KLRG1: variants seen among roughly 807,000 people sequenced by gnomAD.
The protein encoded by KLRG1 is killer cell lectin like receptor G1.
In KLRG1, 16 loss-of-function variants were observed where a neutral mutation model predicts 21.8. That is an observed-to-expected ratio of 0.73 (90% CI 0.50 to 1.11). The LOEUF (loss-of-function observed/expected upper bound fraction) is 1.11. Ranked by LOEUF, KLRG1 falls within the 50% of genes most tolerant of loss-of-function variation. KLRG1 has a pLI of 0.00. For missense variants in KLRG1, 173 were observed against 218.3 expected, an observed-to-expected ratio of 0.79 and a Z score of 1.31; for synonymous variants, 69 against 75.9, an observed-to-expected ratio of 0.91 and a Z score of 0.47.
chr12:9,028,748 T>C, the KLRG1 span: 1 of 554,786 alleles, frequency 1.8e-6, no homozygotes, highest in South Asian at 1.5e-5. Flanking sequence ...GGCCTCAGTG[T>C]CTTCTTTAAT....
intron 1 of KLRG1, among the ~76,000 whole-genome samples, chr12:8,951,851 A>G (rs1033666440): frequency 2.0e-5 from 3 of 152,196 alleles, no homozygotes; most frequent in African/African-American, 7.2e-5. Context: ...CATGTTGGAA[A>G]TGGGGAATGG....
chr12:9,006,763 A>G (rs1947485635), intron 3 of KLRG1, among the ~76,000 whole-genome samples: 1 of 152,212 alleles, frequency 6.6e-6, no homozygotes, highest in Non-Finnish European at 1.5e-5. Context: ...CATAACTGGA[A>G]AGAATCCTAG....
At chr12:9,025,364 C>G in the KLRG1 span, among the ~76,000 whole-genome samples, 2 of 152,138 alleles carry the variant, frequency 1.3e-5, no homozygotes, top group Admixed American at 6.5e-5. Flanking sequence ...TGGCTGGGTA[C>G]AGTGGTTCAT....
the KLRG1 span, among the ~76,000 whole-genome samples, chr12:9,162,810 G>A: frequency 3.3e-5 from 5 of 152,136 alleles, no homozygotes; most frequent in South Asian, 4.1e-4. Context: ...ACATGTGCAG[G>A]AGGTGCAGGT....
the KLRG1 span, among the ~76,000 whole-genome samples, chr12:9,147,072 G>A: frequency 1.1e-4 from 17 of 152,230 alleles, no homozygotes; most frequent in South Asian, 3.5e-3. Flanking sequence ...TGAGCTCCCC[G>A]ACTGGCAAGG....
In KLRG1 at chr12:8,989,820, G is replaced by A. The variant is rs79607317; in HGVS notation, c.82+103G>A. Reference sequence around the variant, plus strand: ...AAAGCAGAGGGTGCAGAAGAATTGAGGATAATTTGAGGAAATACTTTTGGT... The same window carrying A: ...AAAGCAGAGGGTGCAGAAGAATTGAAGATAATTTGAGGAAATACTTTTGGT... On this transcript the variant is annotated intron_variant, in intron 1 of 4. Transcript: ENST00000356986. The A allele has an allele frequency of 1.3e-4, 88 of 693,228 alleles. No individual in the cohort carries two copies. The African/African-American group carries it at 1.5e-3, about 11-fold the overall frequency. The allele number at this position is 693,228 out of a possible 1,614,324, so 42.9% of individuals were successfully genotyped here. A position where few individuals can be genotyped will look rare whatever the true frequency, so the allele number is the denominator to read the frequency against.
intron 3 of KLRG1, among the ~76,000 whole-genome samples, chr12:8,998,469 G>C (rs189190957): frequency 5.8e-4 from 88 of 152,158 alleles, no homozygotes; most frequent in African/African-American, 2.0e-3. Context: ...CAGGTGGATT[G>C]CTTGAACCCA....
chr12:9,209,645 A>C, the KLRG1 span, among the ~76,000 whole-genome samples: 133 of 152,108 alleles, frequency 8.7e-4, 1 homozygote, highest in Non-Finnish European at 2.1e-4. Flanking sequence ...GAAATAAATC[A>C]AGACAAATAT....
chr12:8,986,466 T>C (rs1280800642), upstream of KLRG1, among the ~76,000 whole-genome samples: 6 of 152,220 alleles, frequency 3.9e-5, no homozygotes, highest in Non-Finnish European at 8.8e-5. Context: ...TATGGATTTA[T>C]ATAGTTTTTC....
At chr12:8,953,168 A>T (rs1946234167) in intron 1 of KLRG1, among the ~76,000 whole-genome samples, 1 of 152,054 alleles carries the variant, frequency 6.6e-6, no homozygotes, top group South Asian at 2.1e-4. Flanking sequence ...ATATGCTGAC[A>T]ATTTGAAGGA....
At chr12:9,085,141 G>T in the KLRG1 span, among the ~76,000 whole-genome samples, 1 of 152,112 alleles carries the variant, frequency 6.6e-6, no homozygotes, top group East Asian at 1.9e-4. Flanking sequence ...AAATTAATAA[G>T]AAAACGTTGA....
the KLRG1 span, among the ~76,000 whole-genome samples, chr12:9,119,934 G>T: frequency 6.6e-6 from 1 of 152,264 alleles, no homozygotes; most frequent in Admixed American, 6.5e-5. Context: ...TAGTTGCCAG[G>T]ACACCTGAGC....
At chr12:8,985,501 G>GATCACCC (rs1159059088), upstream of KLRG1, among the ~76,000 whole-genome samples, 36 of 152,252 alleles carry the variant, frequency 2.4e-4, no homozygotes, top group African/African-American at 7.9e-4. Flanking sequence ...CAATATGCAA[G>GATCACCC]ATCACCCCCT....
chr12:9,038,277 A>G, the KLRG1 span, among the ~76,000 whole-genome samples: 1 of 152,154 alleles, frequency 6.6e-6, no homozygotes, highest in Admixed American at 6.5e-5. Flanking sequence ...GCTCATGGCT[A>G]GGCAATTCCA....
At chr12:9,154,719 G>T in the KLRG1 span, 1 of 1,614,120 alleles carries the variant, frequency 6.2e-7, no homozygotes. Flanking sequence ...TGGCTGGGCC[G>T]TGAGATAAGC....
At chr12:9,108,347 T>C in the KLRG1 span, among the ~76,000 whole-genome samples, 4 of 152,176 alleles carry the variant, frequency 2.6e-5, no homozygotes. Context: ...AGGATGGTCT[T>C]GATCTCCTGA....
At chr12:9,004,730 C>T (rs1372173856) in intron 3 of KLRG1, among the ~76,000 whole-genome samples, 1 of 152,182 alleles carries the variant, frequency 6.6e-6, no homozygotes, top group Non-Finnish European at 1.5e-5. Flanking sequence ...ATCCTCTCAC[C>T]TTGGCCTCCC....
chr12:8,983,557 C>T (rs1946794224), intron 1 of KLRG1, among the ~76,000 whole-genome samples: 2 of 151,846 alleles, frequency 1.3e-5, no homozygotes, highest in Non-Finnish European at 2.9e-5. Context: ...CCTGCCACCA[C>T]ACCTAGCTAA....
the KLRG1 span, chr12:9,069,144 A>T: frequency 9.5e-6 from 2 of 211,474 alleles, no homozygotes; most frequent in Non-Finnish European, 1.9e-5. Flanking sequence ...ATATCCAGAG[A>T]TTTGGTATAG....
Sources: allele counts gnomAD v4.1 joint callset (sites outside exome capture counted in the v4.1 genomes callset), GRCh38; gene constraint gnomAD v4.1.1; transcripts MANE v1.5; gene names NCBI Gene and HGNC (gene_info 2026-07-23, HGNC 2026-07-21).